PGBD5: variants seen among roughly 807,000 people sequenced by gnomAD.
PGBD5 encodes piggyBac transposable element derived 5.
PGBD5 carries 14 observed loss-of-function variants against 47.9 expected under a neutral mutation model. That is an observed-to-expected ratio of 0.29 (90% confidence interval 0.19 to 0.46). The LOEUF is 0.46. Ranked by LOEUF, PGBD5 falls within the 20% of genes least tolerant of loss-of-function variation. The pLI, the probability that PGBD5 is intolerant of heterozygous loss-of-function variation, is 1.00. For missense variants in PGBD5, 635 were observed against 716.0 expected, an observed-to-expected ratio of 0.89 and a Z score of 1.29; for synonymous variants, 316 against 306.3, an observed-to-expected ratio of 1.03 and a Z score of -0.33.
At chr1:230,421,436 G>C (rs1015067054) in intron 1 of PGBD5, among the ~76,000 whole-genome samples, 1 of 152,176 alleles carries the variant, frequency 6.6e-6, no homozygotes, top group Non-Finnish European at 1.5e-5. Flanking sequence ...TAGTTAGATG[G>C]TGATCACTTA....
rs998615144 is a variant in PGBD5, at chr1:230,412,450, G to A, written c.331+13148C>T. ...GTTGCCCAGGCTGGAGTGCAATGGC[G>A]TGATCTTGGCTCACTGCAGGCTCCA... On this transcript the variant is annotated intron_variant, in intron 1 of 6. Transcript: ENST00000391860. Among the ~76,000 whole-genome samples the A allele has an allele frequency of 3.4e-5, 5 of 147,878 alleles. No homozygotes were observed. In the East Asian group the frequency reaches 5.9e-4, roughly 17 times the overall value.
chr1:230,323,145 C>A lies in PGBD5; in HGVS notation c.*280G>T. 7.0e-6 allele frequency: 3 copies of A among 426,716 alleles called. No individual in the cohort carries two copies. The highest frequency in any genetic ancestry group is 1.3e-5 in the Non-Finnish European group (3 of 237,074). The allele number at this position is 426,716 out of a possible 1,614,324, so 26.4% of individuals were successfully genotyped here. A position where few individuals can be genotyped will look rare whatever the true frequency, so the allele number is the denominator to read the frequency against. On this transcript the variant is annotated 3_prime_UTR_variant, in exon 7 of 7. Coordinates refer to ENST00000391860, the MANE Select transcript of PGBD5 (RefSeq NM_001258311.2). The surrounding 1 kb of genome is among the most constrained non-coding windows in gnomAD (Gnocchi z 4.1). Reference sequence around the variant, plus strand: ...AGTCCACGCTGCCTCGCAAGCTCCACGGATGTCATGAGAGAATCTGCCCTT... The same window carrying A: ...AGTCCACGCTGCCTCGCAAGCTCCAAGGATGTCATGAGAGAATCTGCCCTT...
intron 1 of PGBD5, among the ~76,000 whole-genome samples, chr1:230,362,065 G>A (rs1018501235): frequency 1.3e-5 from 2 of 152,236 alleles, no homozygotes. Flanking sequence ...GCATCAGTGG[G>A]GCATGAGGGT....
intron 1 of PGBD5, among the ~76,000 whole-genome samples, chr1:230,365,326 A>AC (rs1178324034): frequency 1.3e-5 from 2 of 152,084 alleles, no homozygotes; most frequent in African/African-American, 4.8e-5. Context: ...AAAAAAAAAA[A>AC]AGCTAATCAA....
intron 1 of PGBD5, among the ~76,000 whole-genome samples, chr1:230,416,947 G>A (rs1571866351): frequency 6.6e-6 from 1 of 152,220 alleles, no homozygotes; most frequent in South Asian, 2.1e-4. Context: ...GCCTGGCCAA[G>A]GGGTGATGCT....
rs1667020932 is a variant in PGBD5 at position 230,320,710 on chromosome 1, G to A, written c.*2715C>T. On this transcript the variant is annotated 3_prime_UTR_variant, in exon 7 of 7. Transcript: ENST00000391860. Reference sequence around the variant, plus strand: ...TCAACCTGAGGGCTGTTGAACCCAGGGAGATACTGGAACCAGATGCACTTC... The same window carrying A: ...TCAACCTGAGGGCTGTTGAACCCAGAGAGATACTGGAACCAGATGCACTTC... The A allele has an allele frequency of 6.6e-6, 1 of 152,180 alleles. No homozygotes were observed. Among genetic ancestry groups the A allele is most frequent in the South Asian group, 2.1e-4 (1 of 4,828 alleles). The allele number at this position is 152,180 out of a possible 1,614,324, so 9.4% of individuals were successfully genotyped here. A position where few individuals can be genotyped will look rare whatever the true frequency, so the allele number is the denominator to read the frequency against.
intron 1 of PGBD5, among the ~76,000 whole-genome samples, chr1:230,367,726 C>T (rs146942793): frequency 2.0e-4 from 30 of 152,230 alleles, no homozygotes; most frequent in African/African-American, 6.7e-4. Context: ...AAGGGTGCTC[C>T]GTCATCTAGG....
At chr1:230,370,693 G>A (rs1434244732) in intron 1 of PGBD5, among the ~76,000 whole-genome samples, 8 of 152,178 alleles carry the variant, frequency 5.3e-5, no homozygotes, top group Non-Finnish European at 5.9e-5. Flanking sequence ...AGCCCAGATG[G>A]TCCAGCTCTG....
chr1:230,332,239 C>A (rs1667232472), intron 5 of PGBD5, among the ~76,000 whole-genome samples: 1 of 152,246 alleles, frequency 6.6e-6, no homozygotes, highest in African/African-American at 2.4e-5. Flanking sequence ...AGGCTGCCCC[C>A]AAGCACAGCA....
chr1:230,415,841 T>C (rs1272152439), intron 1 of PGBD5, among the ~76,000 whole-genome samples: 1 of 152,218 alleles, frequency 6.6e-6, no homozygotes, highest in Non-Finnish European at 1.5e-5. Flanking sequence ...GACCCACATA[T>C]ACCATGTTCC....
chr1:230,354,206 C>T (rs1365395854), intron 2 of PGBD5, among the ~76,000 whole-genome samples: 1 of 152,186 alleles, frequency 6.6e-6, no homozygotes, highest in Non-Finnish European at 1.5e-5. Context: ...TTGCTCTACA[C>T]CTACTGACAC....
intron 1 of PGBD5, among the ~76,000 whole-genome samples, chr1:230,406,896 C>A (rs150239453): frequency 6.6e-6 from 1 of 152,194 alleles, no homozygotes; most frequent in Non-Finnish European, 1.5e-5. Context: ...AGTGCAATGG[C>A]GCAATCTTCG....
chr1:230,383,697 G>A (rs1446289513), intron 1 of PGBD5, among the ~76,000 whole-genome samples: 2 of 152,160 alleles, frequency 1.3e-5, no homozygotes, highest in African/African-American at 2.4e-5. Context: ...AGTCTCTCGA[G>A]AGACTCCCAA....
rs1332646460 is a variant in PGBD5 at position 230,316,073 on chromosome 1, CAT to C, written c.*7350_*7351del. The C allele has an allele frequency of 2.2e-5, 2 of 89,646 alleles. No individual in the cohort carries two copies. Among genetic ancestry groups the C allele is most frequent in the Non-Finnish European group, 4.9e-5 (2 of 40,950 alleles). The allele number at this position is 89,646 out of a possible 1,614,324, so 5.6% of individuals were successfully genotyped here. ...ACACATATATGTATGTGTATACATACATGTTTATGTGTATACATACATATGTT... is the reference window on the plus strand; with the variant it reads ...ACACATATATGTATGTGTATACATACGTTTATGTGTATACATACATATGTT... On this transcript the variant is annotated 3_prime_UTR_variant, in exon 7 of 7. Coordinates refer to ENST00000391860, the MANE Select transcript of PGBD5 (RefSeq NM_001258311.2).
chr1:230,333,750 T>C (rs968733166), intron 4 of PGBD5, among the ~76,000 whole-genome samples: 2 of 152,206 alleles, frequency 1.3e-5, no homozygotes, highest in Non-Finnish European at 2.9e-5. Context: ...GAGAGCTTCC[T>C]GAGGGAGAAG....
At chr1:230,412,729 T>TGAGGAGGAG (rs1250971187) in intron 1 of PGBD5, among the ~76,000 whole-genome samples, 1 of 151,762 alleles carries the variant, frequency 6.6e-6, no homozygotes, top group Non-Finnish European at 1.5e-5. Context: ...CTGAGTAGGC[T>TGAGGAGGAG]GAGGAGGAGG....
intron 5 of PGBD5, among the ~76,000 whole-genome samples, chr1:230,328,525 G>A (rs944486844): frequency 1.3e-5 from 2 of 152,212 alleles, no homozygotes; most frequent in African/African-American, 4.8e-5. Context: ...TCTTGACTGA[G>A]TGAATCACTG....
intron 1 of PGBD5, chr1:230,362,324 G>A: frequency 7.3e-7 from 1 of 1,367,806 alleles, no homozygotes; most frequent in Non-Finnish European, 9.8e-7. Context: ...ACGAGGAATG[G>A]ATTATAGGGC....
At chr1:230,412,715 T>C (rs1393452254) in intron 1 of PGBD5, among the ~76,000 whole-genome samples, 1 of 152,076 alleles carries the variant, frequency 6.6e-6, no homozygotes, top group Non-Finnish European at 1.5e-5. Flanking sequence ...CCTCATCATC[T>C]TCACTGAGTA....
Sources: gnomAD v4.1 joint callset for allele counts (sites outside exome capture counted in the v4.1 genomes callset) on GRCh38, gnomAD v4.1.1 for gene constraint, Gnocchi (gnomAD v3.1) non-coding constraint, MANE v1.5 for transcripts, NCBI Gene and HGNC (gene_info 2026-07-23, HGNC 2026-07-21) for gene names.